Variants in GTPBP3 observed in about 807,000 individuals in gnomAD.
GTPBP3 encodes the protein 5-taurinomethyluridine-[tRNA] synthase subunit GTPB3, mitochondrial.
GTPBP3 carries 35 observed loss-of-function variants against 42.0 expected under a neutral mutation model. The observed-to-expected ratio is 0.83, with a 90% CI of 0.64 to 1.10. GTPBP3 has a LOEUF of 1.10. Among genes scored for constraint, GTPBP3 ranks in the 50% least tolerant of loss-of-function variants. The pLI is 0.00. For missense variants in GTPBP3, 691 were observed against 685.2 expected, an observed-to-expected ratio of 1.01 and a Z score of -0.09; for synonymous variants, 332 against 314.9, an observed-to-expected ratio of 1.05 and a Z score of -0.58.
intron 1 of GTPBP3, 71 bp downstream of exon 1, chr19:17,337,735 T>G: frequency 6.2e-5 from 87 of 1,392,468 alleles, no homozygotes; most frequent in Non-Finnish European, 7.4e-5. Flanking sequence ...CCCTGGGTTT[T>G]AGGGGCCCAA....
At chr19:17,335,128 T>C, upstream of GTPBP3, 1 of 1,535,998 alleles carries the variant, frequency 6.5e-7, no homozygotes, top group Non-Finnish European at 8.7e-7. Flanking sequence ...TGGGCGTAAG[T>C]TGACTAAGGG....
rs1274340224 is a variant in GTPBP3, at chr19:17,341,647, G to A, written c.1423G>A (p.Gly475Arg). The change falls in exon 9 of 9, where the codon GGG (glycine) becomes AGG (arginine). Residue 475 changes from glycine (G) to arginine (R), a missense_variant. Gly to Arg is a moderately radical substitution (Grantham distance 125). Coordinates refer to ENST00000324894, the MANE Select transcript of GTPBP3 (RefSeq NM_032620.4). ...RGHLTRLTGGGGTEEILDIIF... is the reference protein window; with the variant it reads ...RGHLTRLTGGRGTEEILDIIF... ...TCACCTGACCCGGCTCACAGGTGGA[G>A]GGGGTACCGAGGAGATCCTGGACAT... The A allele has an allele frequency of 1.9e-6, 3 of 1,611,626 alleles. No homozygotes were observed. The highest frequency in any genetic ancestry group is 2.5e-6 in the Non-Finnish European group (3 of 1,178,330).
In GTPBP3 at chr19:17,338,627, G is replaced by A; in HGVS notation, c.477G>A (p.Glu159=). 1.2e-6 allele frequency: 2 copies of A among 1,614,074 alleles called. No individual in the cohort carries two copies. Among genetic ancestry groups the A allele is most frequent in the Non-Finnish European group, 1.7e-6 (2 of 1,179,976 alleles). The change falls in exon 4 of 9, where the codon GAG becomes GAA. Residue 159 remains glutamate (E), a synonymous_variant. Coordinates refer to ENST00000324894, the MANE Select transcript of GTPBP3 (RefSeq NM_032620.4). ...ANGKLNLTEV[E]GLADLIHAET... ...GGAAGCTGAACCTGACCGAAGTGGA[G>A]GGGCTGGCGGACCTTATCCACGCGG...
rs756284329 is a variant in GTPBP3, at chr19:17,338,548, C to T, written c.398C>T (p.Pro133Leu). ...TGGGACCTTCCTGCAGGCAGCGTGC[C>T]AGGGCTTCGACCGGCGGAGGCAGGC... Reference protein sequence around the residue: ...SGVLQALGSVPGLRPAEAGEF... With the variant: ...SGVLQALGSVLGLRPAEAGEF... The change falls in exon 4 of 9, where the codon CCA (proline) becomes CTA (leucine). Residue 133 changes from proline (P) to leucine (L), a missense_variant. Physicochemically the swap from Pro to Leu is moderately conservative, Grantham distance 98 (BLOSUM62 -3). Coordinates refer to ENST00000324894, the MANE Select transcript of GTPBP3 (RefSeq NM_032620.4). The T allele has an allele frequency of 1.2e-6, 2 of 1,613,704 alleles. No homozygotes were observed. Among genetic ancestry groups the T allele is most frequent in the Non-Finnish European group, 1.7e-6 (2 of 1,179,750 alleles).
chr19:17,338,335 T>G, intron 2 of GTPBP3, 30 bp from the exon 3 acceptor site: 1 of 1,612,910 alleles, frequency 6.2e-7, no homozygotes, highest in South Asian at 1.1e-5. Context: ...CTGGCTGTGC[T>G]GTCCTCCTGT....
At position 17,339,123 on chromosome 19, in the gene GTPBP3, C is replaced by A. The variant is rs373370177; in HGVS notation, c.665C>A (p.Ala222Asp). ...TCTGCCTGCCTTCTCTCACCCACAG[C>A]CGACATCGAAGTACGGGCACTGCAG... is the stretch of plus-strand genomic sequence containing the variant. Reference protein sequence around the residue: ...DNLEEGVLEQADIEVRALQVA... With the variant: ...DNLEEGVLEQDDIEVRALQVA... Residue 222 changes from alanine to aspartate, a missense_variant and splice_region_variant, in exon 6 of 9, where the codon GCC (alanine) becomes GAC (aspartate). Coordinates refer to ENST00000324894, the MANE Select transcript of GTPBP3 (RefSeq NM_032620.4). 1.4e-5 allele frequency: 23 copies of A among 1,613,960 alleles called. No individual in the cohort carries two copies. Among genetic ancestry groups the A allele is most frequent in the Non-Finnish European group, 1.9e-5 (23 of 1,180,054 alleles).
At chr19:17,337,049 A>G (rs2074374310), upstream of GTPBP3, 1 of 152,332 alleles carries the variant, frequency 6.6e-6, no homozygotes, top group Non-Finnish European at 1.5e-5. Flanking sequence ...GACTCTTTCC[A>G]GAAGTTCGGG....
chr19:17,340,275 G>A (rs1368474013), intron 7 of GTPBP3, among the ~76,000 whole-genome samples: 1 of 151,456 alleles, frequency 6.6e-6, no homozygotes, highest in African/African-American at 2.4e-5. Context: ...GATCTCAGGT[G>A]ACCCGCCTGC....
chr19:17,337,676 G>T lies in GTPBP3; in HGVS notation c.53+12G>T. ...CGTGGGCCTCGCAGGTGGGGCTACA[G>T]GGGAAGGGGTGCGACAGCTTGGGGT... On this transcript the variant is annotated intron_variant, in intron 1 of 8. Transcript: ENST00000324894. 1 of 1,357,324 alleles carries T rather than the reference G, an allele frequency of 7.4e-7. No individual in the cohort carries two copies. Among genetic ancestry groups the T allele is most frequent in the South Asian group, 2.1e-5 (1 of 48,638 alleles). The allele number at this position is 1,357,324 out of a possible 1,614,324, so 84.1% of individuals were successfully genotyped here. A position where few individuals can be genotyped will look rare whatever the true frequency, so the allele number is the denominator to read the frequency against.
chr19:17,339,345 G>A, intron 6 of GTPBP3, 79 bp downstream of exon 6: 4 of 1,583,514 alleles, frequency 2.5e-6, no homozygotes, highest in Non-Finnish European at 3.4e-6. Flanking sequence ...TAGTTGTTCA[G>A]GTCTAAAGCT....
chr19:17,340,769 G>A (rs2074421792), intron 7 of GTPBP3, among the ~76,000 whole-genome samples: 1 of 105,544 alleles, frequency 9.5e-6, no homozygotes, highest in Non-Finnish European at 1.9e-5. Context: ...ACTGTGCCCA[G>A]CCCCTCCTGC....
In GTPBP3 at chr19:17,341,822, A is replaced by T; in HGVS notation, c.*119A>T. The T allele has an allele frequency of 1.1e-6, 1 of 879,178 alleles. No individual in the cohort carries two copies. Among genetic ancestry groups the T allele is most frequent in the Non-Finnish European group, 1.7e-6 (1 of 579,444 alleles). The allele number at this position is 879,178 out of a possible 1,614,324, so 54.5% of individuals were successfully genotyped here. ...CTGGGAAAGAACTTGATTCTCAAAT[A>T]GTGAAGCAACACAGCTGAGAGGTAG... On this transcript the variant is annotated 3_prime_UTR_variant, in exon 9 of 9. Transcript: ENST00000324894.
At position 17,341,723 on chromosome 19, in the gene GTPBP3, A is replaced by G. The variant is rs961120758; in HGVS notation, c.*20A>G. ...AAGTGACGGGATCCAGGGAAGTCGC[A>G]CCCAAGCTGCGTGGAGACCCAGGAG... is the stretch of plus-strand genomic sequence containing the variant. On this transcript the variant is annotated 3_prime_UTR_variant, in exon 9 of 9. Transcript: ENST00000324894. 8 of 1,544,800 alleles carry G rather than the reference A, an allele frequency of 5.2e-6. No individual in the cohort carries two copies. The highest frequency in any genetic ancestry group is 7.0e-6 in the Non-Finnish European group (8 of 1,140,244).
rs996771857 is a variant in GTPBP3, at chr19:17,340,279, C to T, written c.974+680C>T. Among the ~76,000 whole-genome samples the T allele has an allele frequency of 5.3e-5, 8 of 151,970 alleles. No homozygotes were observed. In the South Asian group the frequency reaches 6.2e-4, roughly 12 times the overall value. On this transcript the variant is annotated intron_variant, in intron 7 of 8. Transcript: ENST00000324894. ...CTCGAACTCCTGATCTCAGGTGACC[C>T]GCCTGCCTCGGCCTCCCAAAGTGCT...
intron 1 of GTPBP3, 43 bp from the exon 2 acceptor site, chr19:17,337,965 T>A: frequency 1.9e-6 from 3 of 1,588,838 alleles, no homozygotes; most frequent in Non-Finnish European, 2.6e-6. Flanking sequence ...ACACTGAGGC[T>A]GAGCCTCCCA....
chr19:17,341,697 CAAGTGACG>C lies in GTPBP3; in HGVS notation c.1474_*2del. 1.3e-6 allele frequency: 2 copies of C among 1,573,766 alleles called. No homozygotes were observed. The highest frequency in any genetic ancestry group is 1.7e-6 in the Non-Finnish European group (2 of 1,154,256). On this transcript the variant is annotated stop_lost and 3_prime_UTR_variant, in exon 9 of 9. Transcript: ENST00000324894. The stretch of plus-strand genomic sequence containing the variant: ...TCATCTTCCAGGACTTCTGTGTGGG[CAAGTGACG>C]GGATCCAGGGAAGTCGCACCCAAGC...
At chr19:17,340,151 G>A (rs1339936817) in intron 7 of GTPBP3, among the ~76,000 whole-genome samples, 1 of 151,622 alleles carries the variant, frequency 6.6e-6, no homozygotes, top group Admixed American at 6.6e-5. Context: ...TCTTCTGCCT[G>A]GGCCTCCCGA....
rs1202615774 is a variant in GTPBP3 at position 17,341,174 on chromosome 19, C to T, written c.1105C>T (p.Leu369Phe). 1.9e-6 allele frequency: 3 copies of T among 1,612,758 alleles called. No individual in the cohort carries two copies. The highest frequency in any genetic ancestry group is 1.7e-5 in the Admixed American group (1 of 60,002). ...GAGCCCCAGTGACAGCAGCCAGCGC[C>T]TCCTCCTGGTGCTGAACAAGTCGGA... is the stretch of plus-strand genomic sequence containing the variant. ...AQSPSDSSQR[L>F]LLVLNKSDLL... Residue 369 changes from leucine (L) to phenylalanine (F), a missense_variant, in exon 8 of 9, where the codon CTC becomes TTC. Transcript: ENST00000324894.
At chr19:17,340,314 G>A (rs1248002364) in intron 7 of GTPBP3, among the ~76,000 whole-genome samples, 2 of 152,130 alleles carry the variant, frequency 1.3e-5, no homozygotes, top group African/African-American at 2.4e-5. Flanking sequence ...TGGGATTACA[G>A]GCGTTAGCCA....
Sources: gnomAD v4.1 joint callset for allele counts (sites outside exome capture counted in the v4.1 genomes callset) on GRCh38, gnomAD v4.1.1 for gene constraint, MANE v1.5 for transcripts, NCBI Gene and HGNC (gene_info 2026-07-23, HGNC 2026-07-21) for gene names.